The following EPHA3 variants were observed in gnomAD, a reference collection of about 807,000 sequenced individuals.
The protein encoded by EPHA3 is ephrin type-A receptor 3.
A neutral mutation model predicts 107.1 loss-of-function variants in EPHA3; 42 were observed. That is an observed-to-expected ratio of 0.39 (90% CI 0.31 to 0.51). The LOEUF is 0.51. Among genes scored for constraint, EPHA3 ranks in the 20% least tolerant of loss-of-function variants. EPHA3 has a pLI of 0.78. For synonymous variants in EPHA3, 461 were observed against 424.8 expected (o/e 1.09, Z -1.05); for missense variants, 1,183 against 1,211.2 (o/e 0.98, Z 0.35).
intron 3 of EPHA3, among the ~76,000 whole-genome samples, chr3:89,308,547 T>C (rs901241930): frequency 9.9e-5 from 15 of 151,708 alleles, no homozygotes; most frequent in Non-Finnish European, 1.9e-4. Context: ...CTTGCACAAG[T>C]TAGGTAGAAA....
chr3:89,109,334 G>A (rs1707044567), intron 1 of EPHA3, among the ~76,000 whole-genome samples: 1 of 151,820 alleles, frequency 6.6e-6, no homozygotes, highest in Non-Finnish European at 1.5e-5. Context: ...TTTGTATAAC[G>A]GGTAACATGT....
At chr3:89,338,663 C>T (rs958500170) in intron 3 of EPHA3, among the ~76,000 whole-genome samples, 1 of 152,218 alleles carries the variant, frequency 6.6e-6, no homozygotes, top group Non-Finnish European at 1.5e-5. Flanking sequence ...ATTCTCCTGC[C>T]TCAGCCTCCC....
At chr3:89,171,861 G>A (rs991204442) in intron 2 of EPHA3, among the ~76,000 whole-genome samples, 30 of 152,150 alleles carry the variant, frequency 2.0e-4, no homozygotes, top group Non-Finnish European at 4.1e-4. Context: ...ATGACTCAGA[G>A]ATGTGCCTAT....
intron 3 of EPHA3, among the ~76,000 whole-genome samples, chr3:89,219,554 A>G (rs1180247173): frequency 6.6e-6 from 1 of 151,876 alleles, no homozygotes; most frequent in South Asian, 2.1e-4. Context: ...CCCTCAAGGA[A>G]CTTAGATTTG....
At chr3:89,391,867 G>T (rs1353360678) in intron 5 of EPHA3, among the ~76,000 whole-genome samples, 2 of 151,950 alleles carry the variant, frequency 1.3e-5, no homozygotes, top group Admixed American at 1.3e-4. Context: ...AAAAATTAAA[G>T]ATCAAATATT....
At chr3:89,478,489 G>A (rs1331491829) in intron 16 of EPHA3, among the ~76,000 whole-genome samples, 1 of 152,180 alleles carries the variant, frequency 6.6e-6, no homozygotes, top group African/African-American at 2.4e-5. Flanking sequence ...GGCTGGAGAT[G>A]CTTTCATTTC....
At chr3:89,236,047 C>T (rs1326643024) in intron 3 of EPHA3, among the ~76,000 whole-genome samples, 1 of 152,032 alleles carries the variant, frequency 6.6e-6, no homozygotes, top group African/African-American at 2.4e-5. Flanking sequence ...CAATTTTAAA[C>T]TGTTTCATTG....
At chr3:89,322,533 G>T (rs1707068201) in intron 3 of EPHA3, among the ~76,000 whole-genome samples, 1 of 152,118 alleles carries the variant, frequency 6.6e-6, no homozygotes, top group African/African-American at 2.4e-5. Flanking sequence ...TGGAAACTAT[G>T]TAAATGAAGG....
chr3:89,449,085 A>G, intron 13 of EPHA3, 140 bp from the exon 14 acceptor site: 2 of 730,654 alleles, frequency 2.7e-6, no homozygotes, highest in Non-Finnish European at 3.9e-6. Context: ...ATAGAATAAC[A>G]TCAAAATGTT....
At chr3:89,297,804 G>C (rs1161741122) in intron 3 of EPHA3, among the ~76,000 whole-genome samples, 1 of 152,114 alleles carries the variant, frequency 6.6e-6, no homozygotes, top group African/African-American at 2.4e-5. Context: ...GGAGGCCGAG[G>C]TGGGCAGATC....
chr3:89,401,774 AT>A (rs555810324), intron 7 of EPHA3, among the ~76,000 whole-genome samples: 3 of 151,676 alleles, frequency 2.0e-5, no homozygotes, highest in African/African-American at 4.8e-5. Context: ...CGTCTGGCTA[AT>A]TTTTTTTGTA....
At chr3:89,209,204 G>C (rs1349443192) in intron 2 of EPHA3, among the ~76,000 whole-genome samples, 3 of 152,118 alleles carry the variant, frequency 2.0e-5, no homozygotes, top group South Asian at 2.1e-4. Flanking sequence ...GGTGCAAAAG[G>C]CTTTAAGAAT....
At chr3:89,295,052 C>T (rs1706312925) in intron 3 of EPHA3, among the ~76,000 whole-genome samples, 1 of 152,120 alleles carries the variant, frequency 6.6e-6, no homozygotes, top group Admixed American at 6.6e-5. Flanking sequence ...ATTCCTCACT[C>T]ACACTTGTAT....
At chr3:89,194,763 T>C (rs1385191861) in intron 2 of EPHA3, among the ~76,000 whole-genome samples, 1 of 152,130 alleles carries the variant, frequency 6.6e-6, no homozygotes, top group African/African-American at 2.4e-5. Flanking sequence ...CTATAATACC[T>C]ATACAGTTAT....
intron 3 of EPHA3, among the ~76,000 whole-genome samples, chr3:89,242,041 A>G (rs1704907814): frequency 6.6e-6 from 1 of 152,174 alleles, no homozygotes; most frequent in African/African-American, 2.4e-5. Flanking sequence ...TGCTGATCTC[A>G]AACCTAGGTT....
intron 2 of EPHA3, among the ~76,000 whole-genome samples, chr3:89,193,581 A>T (rs1240449326): frequency 6.6e-6 from 1 of 151,988 alleles, no homozygotes; most frequent in African/African-American, 2.4e-5. Context: ...GAAGGAGGAT[A>T]TTGAACATTT....
chr3:89,211,689 C>A (rs1369499625), intron 3 of EPHA3, among the ~76,000 whole-genome samples: 1 of 150,830 alleles, frequency 6.6e-6, no homozygotes, highest in Non-Finnish European at 1.5e-5. Context: ...TCCTCTCTCT[C>A]CTCCCCCTCC....
chr3:89,145,703 T>C (rs763554768), intron 2 of EPHA3, among the ~76,000 whole-genome samples: 6 of 151,818 alleles, frequency 4.0e-5, no homozygotes, highest in South Asian at 2.1e-4. Flanking sequence ...GACCTTTGAG[T>C]CAATTCTTAT....
chr3:89,166,865 C>CA (rs1474178284), intron 2 of EPHA3, among the ~76,000 whole-genome samples: 1 of 152,056 alleles, frequency 6.6e-6, no homozygotes, highest in Non-Finnish European at 1.5e-5. Context: ...ACAAACAGCA[C>CA]AAAAACACAA....
Sources: allele counts gnomAD v4.1 joint callset (sites outside exome capture counted in the v4.1 genomes callset), GRCh38; gene constraint gnomAD v4.1.1; transcripts MANE v1.5; gene names NCBI Gene and HGNC (gene_info 2026-07-23, HGNC 2026-07-21).